Variants in AGBL4 observed in about 807,000 individuals in gnomAD.
AGBL4 encodes AGBL carboxypeptidase 4.
A neutral mutation model predicts 66.4 loss-of-function variants in AGBL4; 58 were observed. That is an observed-to-expected ratio of 0.87 (90% CI 0.71 to 1.09). The LOEUF (loss-of-function observed/expected upper bound fraction) is 1.09. Among genes scored for constraint, AGBL4 ranks in the 50% least tolerant of loss-of-function variants. The pLI is 0.00. For synonymous variants in AGBL4, 234 were observed against 222.9 expected (o/e 1.05, Z -0.44); for missense variants, 579 against 631.0 (o/e 0.92, Z 0.88).
chr1:49,991,950 T>A (rs1659976934), intron 1 of AGBL4, among the ~76,000 whole-genome samples: 1 of 152,174 alleles, frequency 6.6e-6, no homozygotes, highest in African/African-American at 2.4e-5. Context: ...ATTAATCTCA[T>A]TTACCTTGCA....
At chr1:48,527,280 G>A in the AGBL4 span, among the ~76,000 whole-genome samples, 2 of 151,982 alleles carry the variant, frequency 1.3e-5, no homozygotes, top group Non-Finnish European at 2.9e-5. Flanking sequence ...AGTGGGGGAG[G>A]TGACAATCAG....
intron 6 of AGBL4, among the ~76,000 whole-genome samples, chr1:48,770,621 C>A (rs990320962): frequency 3.3e-5 from 5 of 152,220 alleles, no homozygotes; most frequent in Non-Finnish European, 5.9e-5. Context: ...CCTCAGACCA[C>A]ATGCCTACTT....
chr1:49,970,688 T>A (rs1393724282), intron 1 of AGBL4, among the ~76,000 whole-genome samples: 1 of 121,830 alleles, frequency 8.2e-6, no homozygotes, highest in African/African-American at 3.2e-5. Context: ...AGAGCACGAC[T>A]CCGACTCAAA....
intron 2 of AGBL4, among the ~76,000 whole-genome samples, chr1:49,779,601 T>C (rs996289468): frequency 8.5e-5 from 13 of 152,090 alleles, no homozygotes; most frequent in Non-Finnish European, 2.9e-5. Context: ...TGGATGAAGG[T>C]GCCTGGGCTA....
chr1:49,480,222 A>T (rs965702554), intron 3 of AGBL4, among the ~76,000 whole-genome samples: 2 of 152,088 alleles, frequency 1.3e-5, no homozygotes, highest in Non-Finnish European at 2.9e-5. Flanking sequence ...ATTGTCTTCC[A>T]CAATGGTTAA....
intron 2 of AGBL4, among the ~76,000 whole-genome samples, chr1:49,802,243 C>T (rs1014315439): frequency 1.3e-5 from 2 of 151,650 alleles, no homozygotes; most frequent in Admixed American, 1.3e-4. Flanking sequence ...ATGTGGAGAG[C>T]CTATAAACAG....
chr1:49,742,324 C>T (rs992370019), intron 2 of AGBL4, among the ~76,000 whole-genome samples: 2 of 151,886 alleles, frequency 1.3e-5, no homozygotes, highest in African/African-American at 4.8e-5. Flanking sequence ...GAATAAAATA[C>T]CTAGGAATCC....
chr1:49,268,290 T>C (rs1643970191), intron 3 of AGBL4: 1 of 152,114 alleles, frequency 6.6e-6, no homozygotes, highest in Non-Finnish European at 1.5e-5. Context: ...AAATGGGCTA[T>C]TCATCAGGCA....
Position 49,878,034 on chromosome 1 carries a change from T to C in AGBL4, c.35-26516A>G, listed in dbSNP as rs569511352. On this transcript the variant is annotated intron_variant, in intron 1 of 13. Transcript: ENST00000371839. ...CCTTTATCATTTTTTATTGTGTCTC[T>C]TTGATTCTTCTCTCTTTTCTTCTTT... 6.6e-5 allele frequency among the ~76,000 whole-genome samples: 10 copies of C among 152,156 alleles called. No individual in the cohort carries two copies. The South Asian group carries it at 2.1e-3, about 32-fold the overall frequency.
At chr1:49,560,630 A>G (rs1401607898) in intron 3 of AGBL4, among the ~76,000 whole-genome samples, 2 of 152,178 alleles carry the variant, frequency 1.3e-5, no homozygotes, top group African/African-American at 4.8e-5. Flanking sequence ...ATGCAACACC[A>G]AACGGACTTA....
At chr1:49,961,684 T>C (rs1657132180) in intron 1 of AGBL4, among the ~76,000 whole-genome samples, 1 of 152,132 alleles carries the variant, frequency 6.6e-6, no homozygotes, top group African/African-American at 2.4e-5. Flanking sequence ...CATGCCAATA[T>C]GCATTTTAAT....
intron 4 of AGBL4, among the ~76,000 whole-genome samples, chr1:49,170,689 A>G (rs908978341): frequency 2.0e-5 from 3 of 150,982 alleles, no homozygotes; most frequent in African/African-American, 2.4e-5. Flanking sequence ...ATATATATAT[A>G]TGAATTGTGA....
At chr1:48,667,541 C>A (rs1314973750) in intron 6 of AGBL4, among the ~76,000 whole-genome samples, 1 of 152,228 alleles carries the variant, frequency 6.6e-6, no homozygotes, top group Non-Finnish European at 1.5e-5. Context: ...TAAGCTGTTC[C>A]CACATTCTTG....
At chr1:48,989,858 T>G (rs1335260714) in intron 5 of AGBL4, among the ~76,000 whole-genome samples, 1 of 151,954 alleles carries the variant, frequency 6.6e-6, no homozygotes, top group Non-Finnish European at 1.5e-5. Flanking sequence ...GTTTCAGATA[T>G]GTCTTCGATA....
chr1:49,588,952 T>C (rs970270258), intron 3 of AGBL4, among the ~76,000 whole-genome samples: 2 of 117,750 alleles, frequency 1.7e-5, no homozygotes, highest in East Asian at 5.7e-4. Context: ...ATGGGTGAAC[T>C]GGGGATTTTT....
chr1:48,864,081 C>T (rs961671719), intron 6 of AGBL4, among the ~76,000 whole-genome samples: 1 of 151,950 alleles, frequency 6.6e-6, no homozygotes, highest in Non-Finnish European at 1.5e-5. Context: ...GAACAATAAA[C>T]TCCTAAAAAT....
At chr1:49,364,088 C>G (rs974789072) in intron 3 of AGBL4, among the ~76,000 whole-genome samples, 15 of 152,152 alleles carry the variant, frequency 9.9e-5, no homozygotes, top group African/African-American at 3.6e-4. Flanking sequence ...AGGCAGAGAA[C>G]AGAGTTGTGC....
chr1:48,874,199 T>A (rs1427708511), intron 5 of AGBL4, among the ~76,000 whole-genome samples: 5 of 152,156 alleles, frequency 3.3e-5, no homozygotes, highest in African/African-American at 4.8e-5. Flanking sequence ...TAAGCACACA[T>A]TTGGCTTCAG....
intron 5 of AGBL4, among the ~76,000 whole-genome samples, chr1:48,907,767 T>C (rs1570973213): frequency 6.6e-6 from 1 of 152,204 alleles, no homozygotes; most frequent in East Asian, 1.9e-4. Flanking sequence ...CATGATATAG[T>C]TGGGGATGCA....
Sources: allele counts gnomAD v4.1 joint callset (sites outside exome capture counted in the v4.1 genomes callset), GRCh38; gene constraint gnomAD v4.1.1; transcripts MANE v1.5; gene names NCBI Gene and HGNC (gene_info 2026-07-23, HGNC 2026-07-21).